The following NFATC2IP variants were observed in gnomAD, a reference collection of about 807,000 sequenced individuals.
NFATC2IP encodes the protein nuclear factor of activated T cells 2 interacting protein.
In NFATC2IP, 25 loss-of-function variants were observed where a neutral mutation model predicts 40.2. That is an observed-to-expected ratio of 0.62 (90% CI 0.45 to 0.87). The LOEUF (loss-of-function observed/expected upper bound fraction) is 0.87, where lower values mean the gene tolerates loss of function less well. Among genes scored for constraint, NFATC2IP ranks in the 40% least tolerant of loss-of-function variants. The pLI is 0.00. For synonymous variants in NFATC2IP, 241 were observed against 236.3 expected (o/e 1.02, Z -0.18); for missense variants, 553 against 555.6 (o/e 1.00, Z 0.05).
chr16:28,954,612 T>C lies in NFATC2IP; in HGVS notation c.508T>C (p.Ser170Pro). 1.9e-6 allele frequency: 3 copies of C among 1,613,910 alleles called. No homozygotes were observed. The highest frequency in any genetic ancestry group is 2.5e-6 in the Non-Finnish European group (3 of 1,179,890). Residue 170 changes from serine to proline, a missense_variant, in exon 3 of 8, where the codon TCA (serine) becomes CCA (proline). Ser to Pro is a moderately conservative substitution (Grantham distance 74). Coordinates refer to ENST00000320805, the MANE Select transcript of NFATC2IP (RefSeq NM_032815.4). ...SSGLYHEGSP[S>P]PGSPWKTKLR... ...TGGTCTCTACCATGAGGGCTCCCCA[T>C]CACCAGGCTCTCCCTGGAAGACAAA...
intron 7 of NFATC2IP, among the ~76,000 whole-genome samples, chr16:28,962,563 C>T (rs568217372): frequency 6.6e-6 from 1 of 152,326 alleles, no homozygotes; most frequent in East Asian, 1.9e-4. Flanking sequence ...TCTTATCCTA[C>T]CTTGGTCTTT....
intron 5 of NFATC2IP, chr16:28,957,568 AGGAGTTG>A (rs1301349941): frequency 6.6e-6 from 1 of 152,052 alleles, no homozygotes; most frequent in East Asian, 2.0e-4. Flanking sequence ...TTCTGAGTCC[AGGAGTTG>A]GGGGCTGCAG....
intron 2 of NFATC2IP, 175 bp downstream of exon 2, chr16:28,952,379 AATGT>A: frequency 1.9e-5 from 19 of 998,386 alleles, no homozygotes; most frequent in Middle Eastern, 5.0e-4. Flanking sequence ...AGAATGTATT[AATGT>A]ATACATTTCT....
At chr16:28,954,397 C>T (rs927529232) in intron 2 of NFATC2IP, among the ~76,000 whole-genome samples, 168 bp from the exon 3 acceptor site, 4 of 152,118 alleles carry the variant, frequency 2.6e-5, no homozygotes, top group Non-Finnish European at 5.9e-5. Flanking sequence ...ATAGCAGTCT[C>T]ATCCCCTGCC....
chr16:28,957,526 C>T (rs940427465), intron 5 of NFATC2IP: 1 of 151,854 alleles, frequency 6.6e-6, no homozygotes, highest in Admixed American at 6.6e-5. Context: ...ACCTGTAGTC[C>T]CAGCGACTTG....
At position 28,958,754 on chromosome 16, in the gene NFATC2IP, C is replaced by T. The variant is rs1965050768; in HGVS notation, c.884C>T (p.Thr295Ile). ...CAGAGTGTGGTGGACCACATGGCCACCCACCTTGGGGTGTCCCCAAGCAGG... is the reference window on the plus strand; with the variant it reads ...CAGAGTGTGGTGGACCACATGGCCATCCACCTTGGGGTGTCCCCAAGCAGG... ...PLQSVVDHMA[T>I]HLGVSPSRIL... The change falls in exon 6 of 8, where the codon ACC (threonine) becomes ATC (isoleucine). Residue 295 changes from threonine to isoleucine, a missense_variant. Coordinates refer to ENST00000320805, the MANE Select transcript of NFATC2IP (RefSeq NM_032815.4). 1 of 1,613,690 alleles carries T rather than the reference C, an allele frequency of 6.2e-7. No homozygotes were observed. The highest frequency in any genetic ancestry group is 1.1e-5 in the South Asian group (1 of 91,080).
chr16:28,951,871 AG>A (rs1201101202), intron 1 of NFATC2IP, among the ~76,000 whole-genome samples: 1 of 151,988 alleles, frequency 6.6e-6, no homozygotes, highest in Non-Finnish European at 1.5e-5. Flanking sequence ...TCAGGGGTAG[AG>A]GGGCGGCTAG....
chr16:28,963,648 A>G (rs1693613851), intron 7 of NFATC2IP, 57 bp from the exon 8 acceptor site: 2 of 1,533,618 alleles, frequency 1.3e-6, no homozygotes, highest in Admixed American at 1.7e-5. Flanking sequence ...GTCTATCCCT[A>G]CGGGATCCCC....
intron 3 of NFATC2IP, 53 bp from the exon 4 acceptor site, chr16:28,955,925 G>C (rs1469944674): frequency 3.7e-6 from 5 of 1,343,330 alleles, no homozygotes; most frequent in Non-Finnish European, 5.3e-6. Context: ...TCTAGGATTT[G>C]TGGGGCCAGT....
chr16:28,961,325 GAAAAAAAAAAAAAAA>G (rs138576594), intron 7 of NFATC2IP, among the ~76,000 whole-genome samples: 2 of 52,254 alleles, frequency 3.8e-5, no homozygotes, highest in African/African-American at 1.6e-4. Context: ...GACCCTATCT[GAAAAAAAAAAAAAAA>G]AAAAAAAAAA....
Position 28,954,418 on chromosome 16 carries a change from A to G in NFATC2IP, c.461-147A>G, listed in dbSNP as rs1397745944. On this transcript the variant is annotated intron_variant, in intron 2 of 7. Transcript: ENST00000320805. ...GTCTCATCCCCTGCCCCCTTTCCCA[A>G]TATTATCATGTGGCCCTGTGTGTGC... The G allele has an allele frequency of 2.5e-5, 14 of 554,130 alleles. No homozygotes were observed. In the East Asian group the frequency reaches 3.2e-4, roughly 12 times the overall value. 34.3% of individuals were successfully genotyped at this position (554,130 alleles called of 1,614,324 possible). A position where few individuals can be genotyped will look rare whatever the true frequency, so the allele number is the denominator to read the frequency against.
intron 7 of NFATC2IP, among the ~76,000 whole-genome samples, chr16:28,961,478 A>G (rs1055720505): frequency 8.5e-5 from 13 of 152,118 alleles, no homozygotes; most frequent in African/African-American, 3.1e-4. Context: ...TTAAAACAAC[A>G]TAAATTTATT....
At chr16:28,952,079 T>G in intron 1 of NFATC2IP, 53 bp from the exon 2 acceptor site, 1 of 1,609,058 alleles carries the variant, frequency 6.2e-7, no homozygotes, top group Admixed American at 1.7e-5. Flanking sequence ...AATTTTTTCT[T>G]TCGGTAGGGG....
intron 7 of NFATC2IP, among the ~76,000 whole-genome samples, chr16:28,962,424 C>T (rs893998264): frequency 6.6e-6 from 1 of 152,172 alleles, no homozygotes; most frequent in Non-Finnish European, 1.5e-5. Flanking sequence ...CAAACCCTGT[C>T]CTCTGGATTT....
rs1190822705 is a variant in NFATC2IP at position 28,966,036 on chromosome 16, CAG to C, written c.*2179_*2180del. ...TGCCACTGCACATCAGCCTGAGTGA[CAG>C]AGAGACTTTGTCTCAAAAAAAAAAG... On this transcript the variant is annotated 3_prime_UTR_variant, in exon 8 of 8. Coordinates refer to ENST00000320805, the MANE Select transcript of NFATC2IP (RefSeq NM_032815.4). 1.3e-5 allele frequency: 2 copies of C among 151,768 alleles called. No individual in the cohort carries two copies. The highest frequency in any genetic ancestry group is 6.6e-5 in the Admixed American group (1 of 15,240). The allele number at this position is 151,768 out of a possible 1,614,324, so 9.4% of individuals were successfully genotyped here. A position where few individuals can be genotyped will look rare whatever the true frequency, so the allele number is the denominator to read the frequency against.
rs1965134133 is a variant in NFATC2IP at position 28,965,394 on chromosome 16, T to G, written c.*1531T>G. On this transcript the variant is annotated 3_prime_UTR_variant, in exon 8 of 8. Coordinates refer to ENST00000320805, the MANE Select transcript of NFATC2IP (RefSeq NM_032815.4). ...TCGCTGCAGCCCAGGAGTTCGAGAC[T>G]AGCCTGGGCAACATAGCGAGACCTC... is the stretch of plus-strand genomic sequence containing the variant. 2 of 151,648 alleles carry G rather than the reference T, an allele frequency of 1.3e-5. No individual in the cohort carries two copies. Among genetic ancestry groups the G allele is most frequent in the Non-Finnish European group, 2.9e-5 (2 of 67,908 alleles). 9.4% of individuals were successfully genotyped at this position (151,648 alleles called of 1,614,324 possible).
chr16:28,954,246 GTATT>G (rs1331327062), intron 2 of NFATC2IP, among the ~76,000 whole-genome samples: 1 of 152,090 alleles, frequency 6.6e-6, no homozygotes, highest in Non-Finnish European at 1.5e-5. Context: ...AATTTTCACA[GTATT>G]TATTTTTGTG....
At position 28,958,779 on chromosome 16, in the gene NFATC2IP, G is replaced by C. The variant is rs1394893866; in HGVS notation, c.909G>C (p.Arg303Ser). Residue 303 changes from arginine (R) to serine (S), a missense_variant, in exon 6 of 8, where the codon AGG becomes AGC. By Grantham distance (110) the Arg-to-Ser change is moderately radical. Transcript: ENST00000320805. ...MATHLGVSPS[R>S]ILLLFGETEL... ...CCCACCTTGGGGTGTCCCCAAGCAG[G>C]ATCCTTTTGCTTTTTGGAGAGACAG... 2.5e-6 allele frequency: 4 copies of C among 1,613,940 alleles called. No individual in the cohort carries two copies. The African/African-American group carries it at 4.0e-5, about 16-fold the overall frequency.
rs1164163856 is a variant in NFATC2IP at position 28,963,710 on chromosome 16, C to T, written c.1107C>T (p.Ser369=). 7 of 1,613,820 alleles carry T rather than the reference C, an allele frequency of 4.3e-6. No individual in the cohort carries two copies. The highest frequency in any genetic ancestry group is 5.9e-6 in the Non-Finnish European group (7 of 1,179,872). ...QTLEVSLSRD[S]PLKTLMSHYE... is the part of the protein sequence containing the mutation. ...TTTCTTTTGTCTCCATCCAGGATTCCCCTCTAAAGACCCTCATGTCCCACT... is the reference window on the plus strand; with the variant it reads ...TTTCTTTTGTCTCCATCCAGGATTCTCCTCTAAAGACCCTCATGTCCCACT... The change falls in exon 8 of 8, where the codon TCC becomes TCT. Residue 369 remains serine (S), a synonymous_variant. Transcript: ENST00000320805.
Sources: allele counts gnomAD v4.1 joint callset (sites outside exome capture counted in the v4.1 genomes callset), GRCh38; gene constraint gnomAD v4.1.1; transcripts MANE v1.5; gene names NCBI Gene and HGNC (gene_info 2026-07-23, HGNC 2026-07-21).